MARS1: variants seen among roughly 807,000 people sequenced by gnomAD.
MARS1 encodes methionyl-tRNA synthetase 1, also known as methionine--tRNA ligase, cytoplasmic.
MARS1 carries 80 observed loss-of-function variants against 119.5 expected under a neutral mutation model. That is an observed-to-expected ratio of 0.67 (90% confidence interval 0.56 to 0.81). The LOEUF is 0.81. MARS1 is among the 30% of genes least tolerant of loss of function. The pLI is 0.00. For synonymous variants in MARS1, 418 were observed against 433.4 expected (o/e 0.96, Z 0.44); for missense variants, 945 against 1,116.5 (o/e 0.85, Z 2.19).
At position 57,493,340 on chromosome 12, in the gene MARS1, T is replaced by C. The variant is rs549804759; in HGVS notation, c.770+2696T>C. Reference sequence around the variant, plus strand: ...TATAATATATTATATATAATATATGTTATATAATATATATTATATGATATG... The same window carrying C: ...TATAATATATTATATATAATATATGCTATATAATATATATTATATGATATG... On this transcript the variant is annotated intron_variant, in intron 7 of 20. Transcript: ENST00000262027. Among the ~76,000 whole-genome samples the C allele has an allele frequency of 4.9e-4, 47 of 96,576 alleles. No homozygotes were observed. The South Asian group carries it at 7.8e-3, about 16-fold the overall frequency. The allele number at this position is 96,576 out of a possible 152,430, so 63.4% of individuals were successfully genotyped here. A position where few individuals can be genotyped will look rare whatever the true frequency, so the allele number is the denominator to read the frequency against.
In MARS1 at chr12:57,502,727, C is replaced by CA. The variant is rs1177776673; in HGVS notation, c.1294-1496dup. Among the ~76,000 whole-genome samples the CA allele has an allele frequency of 3.5e-3, 316 of 91,408 alleles. 9 individuals carry two copies. Among genetic ancestry groups the CA allele is most frequent in the East Asian group, 0.011 (31 of 2,938 alleles). The allele number at this position is 91,408 out of a possible 152,430, so 60.0% of individuals were successfully genotyped here. A position where few individuals can be genotyped will look rare whatever the true frequency, so the allele number is the denominator to read the frequency against. On this transcript the variant is annotated intron_variant, in intron 10 of 20. Coordinates refer to ENST00000262027, the MANE Select transcript of MARS1 (RefSeq NM_004990.4). ...TCTCAAAAAAAAAAAAAAAAAGCAACAACAACAAAAAAAAAACAAGCCAGG... is the reference window on the plus strand; with the variant it reads ...TCTCAAAAAAAAAAAAAAAAAGCAACAAACAACAAAAAAAAAACAAGCCAGG...
intron 10 of MARS1, among the ~76,000 whole-genome samples, chr12:57,502,265 C>T (rs1454214478): frequency 5.9e-5 from 9 of 152,068 alleles, no homozygotes; most frequent in Admixed American, 5.9e-4. Context: ...AGGTGGGATG[C>T]AGCCATACTG....
intron 5 of MARS1, 115 bp from the exon 6 acceptor site, chr12:57,490,088 AGATG>A: frequency 6.9e-7 from 1 of 1,442,988 alleles, no homozygotes; most frequent in Non-Finnish European, 9.7e-7. Context: ...CTATAGCAGA[AGATG>A]GTTGAGGGAA....
At chr12:57,508,945 ATT>A (rs1417417963) in intron 11 of MARS1, among the ~76,000 whole-genome samples, 1 of 152,194 alleles carries the variant, frequency 6.6e-6, no homozygotes, top group African/African-American at 2.4e-5. Flanking sequence ...TTCATTGATC[ATT>A]CTTACCTGAA....
intron 8 of MARS1, 43 bp downstream of exon 8, chr12:57,498,316 G>T: frequency 1.3e-6 from 2 of 1,597,362 alleles, no homozygotes; most frequent in Non-Finnish European, 1.7e-6. Flanking sequence ...AGGGAAGGGC[G>T]GGTCCCAGGG....
At chr12:57,511,568 G>A (rs555884143) in intron 11 of MARS1, 130 bp from the exon 12 acceptor site, 16 of 871,484 alleles carry the variant, frequency 1.8e-5, no homozygotes, top group Admixed American at 1.7e-4. Context: ...GGGCAACAGA[G>A]CAAGACTCTG....
At chr12:57,508,159 C>T (rs910913465) in intron 11 of MARS1, among the ~76,000 whole-genome samples, 2 of 152,014 alleles carry the variant, frequency 1.3e-5, no homozygotes, top group Non-Finnish European at 2.9e-5. Context: ...CGGGCAGAGA[C>T]ACTCCTCACT....
At chr12:57,504,538 A>G (rs1877088203) in intron 11 of MARS1, among the ~76,000 whole-genome samples, 1 of 152,026 alleles carries the variant, frequency 6.6e-6, no homozygotes. Flanking sequence ...ATATGCATAT[A>G]AAAGTATTTT....
In MARS1 at chr12:57,512,109, C is replaced by G. The variant is rs1457219477; in HGVS notation, c.1635+6C>G. Reference sequence around the variant, plus strand: ...GGTGGAAGAACCCAGAGCAAGTGAGCAGTTCTTGGTTAGGCTGTGCATGGG... The same window carrying G: ...GGTGGAAGAACCCAGAGCAAGTGAGGAGTTCTTGGTTAGGCTGTGCATGGG... On this transcript the variant is annotated splice_donor_region_variant and intron_variant, in intron 13 of 20. Transcript: ENST00000262027. 1 of 1,613,778 alleles carries G rather than the reference C, an allele frequency of 6.2e-7. No individual in the cohort carries two copies. Among genetic ancestry groups the G allele is most frequent in the South Asian group, 1.1e-5 (1 of 91,082 alleles).
At chr12:57,489,859 C>T in intron 4 of MARS1, 37 bp from the exon 5 acceptor site, 1 of 1,565,358 alleles carries the variant, frequency 6.4e-7, no homozygotes, top group South Asian at 1.1e-5. Flanking sequence ...CTGAGTGTCT[C>T]ATTTGTGTAC....
chr12:57,488,640 G>A (rs546739882), intron 1 of MARS1: 51 of 1,550,906 alleles, frequency 3.3e-5, no homozygotes, highest in South Asian at 1.4e-4. Flanking sequence ...GATTGTTTGG[G>A]TGACTCTTAG....
rs1876868867 is a variant in MARS1 at position 57,500,463 on chromosome 12, G to A, written c.1234G>A (p.Glu412Lys). ...EGVCPFCGYE[E>K]ARGDQCDKCG... ...CGTGTGTCCCTTCTGTGGCTATGAGGAGGCTCGGGGTGACCAGTGTGACAA... is the reference window on the plus strand; with the variant it reads ...CGTGTGTCCCTTCTGTGGCTATGAGAAGGCTCGGGGTGACCAGTGTGACAA... Residue 412 changes from glutamate (E) to lysine (K), a missense_variant, in exon 10 of 21, where the codon GAG (glutamate) becomes AAG (lysine). Coordinates refer to ENST00000262027, the MANE Select transcript of MARS1 (RefSeq NM_004990.4). 6.2e-7 allele frequency: 1 copy of A among 1,614,210 alleles called. No individual in the cohort carries two copies. Among genetic ancestry groups the A allele is most frequent in the Non-Finnish European group, 8.5e-7 (1 of 1,180,044 alleles).
chr12:57,515,628 A>G, intron 18 of MARS1: 3 of 561,642 alleles, frequency 5.3e-6, no homozygotes, highest in Non-Finnish European at 9.4e-6. Flanking sequence ...GGCAGGGAAA[A>G]TACAGGAAAG....
In MARS1 at chr12:57,511,604, C is replaced by T. The variant is rs770689742; in HGVS notation, c.1369-94C>T. 3.9e-5 allele frequency: 55 copies of T among 1,396,638 alleles called. No individual in the cohort carries two copies. In the Middle Eastern group the frequency reaches 7.0e-4, roughly 18 times the overall value. The allele number at this position is 1,396,638 out of a possible 1,614,324, so 86.5% of individuals were successfully genotyped here. Reference sequence around the variant, plus strand: ...TCTCCAAAAAAAAAGTTATATATTGCCAAATTGTGCTCCAAAAAGGTTATA... The same window carrying T: ...TCTCCAAAAAAAAAGTTATATATTGTCAAATTGTGCTCCAAAAAGGTTATA... On this transcript the variant is annotated intron_variant, in intron 11 of 20. Transcript: ENST00000262027.
At chr12:57,499,440 A>C (rs1876810579) in intron 9 of MARS1, among the ~76,000 whole-genome samples, 1 of 92,958 alleles carries the variant, frequency 1.1e-5, no homozygotes, top group Non-Finnish European at 2.0e-5. Context: ...CTAAAAATAC[A>C]AAAAAAAAAA....
At chr12:57,510,301 A>T (rs1877446149) in intron 11 of MARS1, among the ~76,000 whole-genome samples, 1 of 151,892 alleles carries the variant, frequency 6.6e-6, no homozygotes, top group Non-Finnish European at 1.5e-5. Flanking sequence ...GTGAAACCCC[A>T]TCTCTACTAA....
intron 5 of MARS1, 90 bp downstream of exon 5, chr12:57,490,061 A>G: frequency 6.9e-7 from 1 of 1,441,240 alleles, no homozygotes; most frequent in Non-Finnish European, 9.8e-7. Context: ...CCTTCAAGGT[A>G]CAGCTTGACT....
In MARS1 at chr12:57,491,217, A is replaced by C. The variant is rs116795882; in HGVS notation, c.770+573A>C. ...TACTTTTTACCCACCGATAGGAGCT[A>C]ACTCTATTTTTCCAGTCCAGATCTG... On this transcript the variant is annotated intron_variant, in intron 7 of 20. Transcript: ENST00000262027. Among the ~76,000 whole-genome samples the C allele has an allele frequency of 5.5e-3, 842 of 152,180 alleles. 9 individuals are homozygous for C. Among genetic ancestry groups the C allele is most frequent in the African/African-American group, 0.019 (785 of 41,508 alleles).
intron 18 of MARS1, among the ~76,000 whole-genome samples, 167 bp from the exon 19 acceptor site, chr12:57,515,753 C>T (rs1877774653): frequency 1.3e-5 from 2 of 152,206 alleles, no homozygotes; most frequent in East Asian, 3.8e-4. Context: ...TTTGGGGTTT[C>T]ACAGGGAAAG....
Sources: gnomAD v4.1 joint callset for allele counts (sites outside exome capture counted in the v4.1 genomes callset) on GRCh38, gnomAD v4.1.1 for gene constraint, MANE v1.5 for transcripts, NCBI Gene and HGNC (gene_info 2026-07-23, HGNC 2026-07-21) for gene names.